ZFHX3: variants seen among roughly 807,000 people sequenced by gnomAD.
ZFHX3 encodes the protein zinc finger homeobox protein 3.
Under a neutral mutation model 279.1 loss-of-function variants are expected in ZFHX3, and 42 were observed. The observed-to-expected ratio is 0.15, with a 90% confidence interval of 0.12 to 0.19. The LOEUF is 0.19. Ranked by LOEUF, ZFHX3 falls within the 10% of genes least tolerant of loss-of-function variation. The pLI is 1.00. For missense variants in ZFHX3, 4,981 were observed against 4,754.0 expected (o/e 1.05, Z -1.40); for synonymous variants, 2,293 against 1,957.8 (o/e 1.17, Z -4.52).
At chr16:72,864,950 G>T (rs1226945119) in intron 4 of ZFHX3, among the ~76,000 whole-genome samples, 2 of 152,192 alleles carry the variant, frequency 1.3e-5, no homozygotes, top group African/African-American at 4.8e-5. Context: ...ATAAAGATGT[G>T]GGCCAGTGCA....
intron 7 of ZFHX3, among the ~76,000 whole-genome samples, chr16:73,112,639 C>T (rs534506045): frequency 9.5e-4 from 133 of 139,828 alleles, no homozygotes; most frequent in African/African-American, 3.2e-3. Context: ...TCTCTTGAAC[C>T]CGGGAGGTGG....
intron 3 of ZFHX3, among the ~76,000 whole-genome samples, chr16:73,330,899 T>C (rs1004449546): frequency 2.0e-5 from 3 of 152,224 alleles, no homozygotes; most frequent in Non-Finnish European, 4.4e-5. Context: ...CTCTCCATGA[T>C]GGCCTTGTTC....
intron 2 of ZFHX3, among the ~76,000 whole-genome samples, chr16:73,668,640 C>CTT (rs111584639): frequency 0.02 from 2,848 of 141,946 alleles, 85 homozygotes; most frequent in African/African-American, 0.058. Flanking sequence ...TAAACTCATC[C>CTT]TTTTTTTTTT....
At chr16:73,267,089 C>A (rs556261275) in intron 4 of ZFHX3, among the ~76,000 whole-genome samples, 3 of 152,304 alleles carry the variant, frequency 2.0e-5, no homozygotes, top group African/African-American at 7.2e-5. Flanking sequence ...GGTTTGATTA[C>A]ACTTTCGTGA....
chr16:73,500,388 T>C (rs2019215491), intron 2 of ZFHX3, among the ~76,000 whole-genome samples: 1 of 152,118 alleles, frequency 6.6e-6, no homozygotes, highest in Non-Finnish European at 1.5e-5. Flanking sequence ...AGTGCAGTGG[T>C]GTGATCTCCG....
At chr16:72,907,389 G>A (rs756314186) in intron 3 of ZFHX3, among the ~76,000 whole-genome samples, 4 of 151,936 alleles carry the variant, frequency 2.6e-5, no homozygotes, top group Admixed American at 6.6e-5. Context: ...CCCAAAATGA[G>A]TGTTCATCAA....
At chr16:73,789,803 C>T (rs1959768227) in intron 1 of ZFHX3, among the ~76,000 whole-genome samples, 1 of 152,118 alleles carries the variant, frequency 6.6e-6, no homozygotes, top group Admixed American at 6.6e-5. Context: ...CCCCGGGCTA[C>T]ATAACCACTG....
Position 72,959,055 on chromosome 16 carries a change from A to G in ZFHX3, c.1091T>C (p.Phe364Ser). The change falls in exon 2 of 10, where the codon TTT (phenylalanine) becomes TCT (serine). Residue 364 changes from phenylalanine (F) to serine (S), a missense_variant. This residue lies in a region of ZFHX3 where 1,068 missense variants were observed against 935.2 expected (regional missense o/e 1.14). Coordinates refer to ENST00000268489, the MANE Select transcript of ZFHX3 (RefSeq NM_006885.4). ...TCGAATGCCACTAAATTTACCATAAAAACTGTGTCCGGGGCCTATGAGGTT... is the reference window on the plus strand; with the variant it reads ...TCGAATGCCACTAAATTTACCATAAGAACTGTGTCCGGGGCCTATGAGGTT... ...TANLIGPGHS[F>S]YGKFSGIRME... 6.2e-7 allele frequency: 1 copy of G among 1,613,922 alleles called. No homozygotes were observed.
chr16:72,959,187 T>C lies in ZFHX3; in HGVS notation c.959A>G (p.Lys320Arg). ...CCCTTGGATGATAGCGGAGATGTTC[T>C]TATTGCTAAGAATTTTCCGCTCGTC... Reference protein sequence around the residue: ...SEDERKILSNKNISAIIQGIG... With the variant: ...SEDERKILSNRNISAIIQGIG... Residue 320 changes from lysine to arginine, a missense_variant, in exon 2 of 10, where the codon AAG becomes AGG. By Grantham distance (26) the Lys-to-Arg change is conservative (BLOSUM62 2). Coordinates refer to ENST00000268489, the MANE Select transcript of ZFHX3 (RefSeq NM_006885.4). 6.2e-7 allele frequency: 1 copy of C among 1,614,252 alleles called. No individual in the cohort carries two copies.
chr16:73,453,126 C>T (rs1039342363), intron 3 of ZFHX3, among the ~76,000 whole-genome samples: 26 of 143,470 alleles, frequency 1.8e-4, no homozygotes, highest in African/African-American at 5.5e-4. Context: ...AGTTACTTAT[C>T]GCTGTAACTG....
At chr16:73,278,916 G>C (rs530208738) in intron 4 of ZFHX3, among the ~76,000 whole-genome samples, 1 of 152,070 alleles carries the variant, frequency 6.6e-6, no homozygotes, top group Non-Finnish European at 1.5e-5. Flanking sequence ...GTCCCCTCTC[G>C]ACCCAGGAAG....
At chr16:73,595,225 C>A (rs796300175) in intron 2 of ZFHX3, among the ~76,000 whole-genome samples, 1 of 152,116 alleles carries the variant, frequency 6.6e-6, no homozygotes, top group Non-Finnish European at 1.5e-5. Flanking sequence ...ACTGCTTACC[C>A]GACTGTCCAT....
rs553705972 is a variant in ZFHX3, at chr16:73,433,212, C to T, written c.-1291+22791G>A. 7.9e-5 allele frequency among the ~76,000 whole-genome samples: 12 copies of T among 152,318 alleles called. No individual in the cohort carries two copies. The South Asian group carries it at 1.0e-3, about 13-fold the overall frequency. ...TGAGTATTACTATCACTCCAGACAG[C>T]GGCATGTCCCCTGCAAGAGAGATTT... On this transcript the variant is annotated intron_variant, in intron 3 of 17. Transcript: ENST00000641206.
At chr16:73,801,929 T>C (rs1960158093) in intron 1 of ZFHX3, among the ~76,000 whole-genome samples, 1 of 152,176 alleles carries the variant, frequency 6.6e-6, no homozygotes, top group African/African-American at 2.4e-5. Context: ...CTCTAATAGC[T>C]TAGTCAAAAG....
At chr16:73,164,120 C>T (rs1248683694) in intron 5 of ZFHX3, among the ~76,000 whole-genome samples, 1 of 152,154 alleles carries the variant, frequency 6.6e-6, no homozygotes, top group Non-Finnish European at 1.5e-5. Context: ...TGACTATGTG[C>T]AGCAGATGAA....
chr16:73,349,149 G>GCTACCTC (rs1175471436), intron 3 of ZFHX3, among the ~76,000 whole-genome samples: 1 of 111,582 alleles, frequency 9.0e-6, no homozygotes, highest in Non-Finnish European at 2.4e-5. Context: ...GTGTCTTCCT[G>GCTACCTC]CTACCTCTAG....
intron 2 of ZFHX3, among the ~76,000 whole-genome samples, chr16:73,642,096 C>T (rs1385499379): frequency 6.6e-6 from 1 of 152,132 alleles, no homozygotes; most frequent in African/African-American, 2.4e-5. Context: ...GGTCCGTGGC[C>T]TCGAGGACAT....
intron 2 of ZFHX3, among the ~76,000 whole-genome samples, chr16:73,660,519 T>C (rs1276458298): frequency 6.6e-6 from 1 of 152,226 alleles, no homozygotes; most frequent in African/African-American, 2.4e-5. Flanking sequence ...CATGTTAATC[T>C]GCATTTCTGT....
At chr16:73,591,416 G>A (rs745758313) in intron 2 of ZFHX3, among the ~76,000 whole-genome samples, 7 of 147,728 alleles carry the variant, frequency 4.7e-5, no homozygotes, top group East Asian at 2.1e-4. Context: ...AGAGGGGGCC[G>A]GGTGCGGTGG....
Sources: gnomAD v4.1 joint callset for allele counts (sites outside exome capture counted in the v4.1 genomes callset) on GRCh38, gnomAD v4.1.1 for gene constraint, gnomAD v4.1.1 regional missense constraint, MANE v1.5 for transcripts, NCBI Gene and HGNC (gene_info 2026-07-23, HGNC 2026-07-21) for gene names.